DNM2: variants seen among roughly 807,000 people sequenced by gnomAD.
DNM2 encodes the protein dynamin 2, also known as dynamin-2.
A neutral mutation model predicts 99.0 loss-of-function variants in DNM2; 15 were observed. The ratio of observed to expected loss-of-function variants is 0.15; its 90% CI spans 0.10 to 0.23. DNM2 has a LOEUF of 0.23. DNM2 is among the 10% of genes least tolerant of loss of function. The pLI is 1.00. For missense variants in DNM2, 742 were observed against 1,189.4 expected, an observed-to-expected ratio of 0.62 and a Z score of 5.53; for synonymous variants, 525 against 481.2, an observed-to-expected ratio of 1.09 and a Z score of -1.19.
Position 10,825,234 on chromosome 19 carries a change from C to T in DNM2, c.2058+13C>T, listed in dbSNP as rs1392110411. 1 of 1,613,598 alleles carries T rather than the reference C, an allele frequency of 6.2e-7. No individual in the cohort carries two copies. The highest frequency in any genetic ancestry group is 1.1e-5 in the South Asian group (1 of 91,062). On this transcript the variant is annotated intron_variant, in intron 18 of 20. Transcript: ENST00000389253. ...CATGATCAACAATGTGAGTGGAGAA[C>T]TAAAAATGAGAAGGAGGTAGCTGGG...
Position 10,831,394 on chromosome 19 carries a change from A to G in DNM2, c.*347A>G. The G allele has an allele frequency of 2.8e-6, 3 of 1,069,604 alleles. No homozygotes were observed. 66.3% of individuals were successfully genotyped at this position (1,069,604 alleles called of 1,614,324 possible). ...AGGTCTTCTTGGGCTGGGAAAGCCC[A>G]TGTAGGGCAGGCCTTCTATAAGTGC... On this transcript the variant is annotated 3_prime_UTR_variant, in exon 21 of 21. Coordinates refer to ENST00000389253, the MANE Select transcript of DNM2 (RefSeq NM_001005361.3). The surrounding 1 kb of genome is among the most constrained non-coding windows in gnomAD (Gnocchi z 4.3).
intron 12 of DNM2, chr19:10,803,546 C>G (rs891715308): frequency 2.3e-6 from 2 of 870,748 alleles, no homozygotes; most frequent in Non-Finnish European, 2.8e-6. Context: ...CTCTGCTTCT[C>G]ACACTTCATC....
intron 7 of DNM2, among the ~76,000 whole-genome samples, chr19:10,789,569 A>G (rs1026430799): frequency 6.6e-6 from 1 of 152,056 alleles, no homozygotes; most frequent in Non-Finnish European, 1.5e-5. Flanking sequence ...ACGATGGTTC[A>G]CGCCTGTATT....
At chr19:10,760,827 A>ATGTTTTTTTTTTTTTT (rs1663854487) in intron 2 of DNM2, among the ~76,000 whole-genome samples, 2 of 41,260 alleles carry the variant, frequency 4.8e-5, no homozygotes, top group African/African-American at 1.9e-4. Flanking sequence ...CACCCAGCTG[A>ATGTTTTTTTTTTTTTT]TTTTTTTTTT....
chr19:10,737,954 C>G (rs1325189489), intron 1 of DNM2, among the ~76,000 whole-genome samples: 1 of 152,194 alleles, frequency 6.6e-6, no homozygotes, highest in East Asian at 1.9e-4. Context: ...TTGTCAATCA[C>G]TGAGCAAGAC....
At chr19:10,777,541 TTTAA>T (rs1440678299) in intron 5 of DNM2, among the ~76,000 whole-genome samples, 2 of 152,118 alleles carry the variant, frequency 1.3e-5, no homozygotes, top group African/African-American at 2.4e-5. Flanking sequence ...GGTTTATAAC[TTTAA>T]TTAATTTTTT....
intron 6 of DNM2, 74 bp from the exon 7 acceptor site, chr19:10,786,490 G>A: frequency 6.2e-7 from 1 of 1,604,270 alleles, no homozygotes; most frequent in African/African-American, 1.3e-5. Flanking sequence ...GCCCTTGGTT[G>A]GGGGGAGTGT....
At chr19:10,735,582 T>C (rs989889033) in intron 1 of DNM2, among the ~76,000 whole-genome samples, 2 of 152,038 alleles carry the variant, frequency 1.3e-5, no homozygotes, top group Non-Finnish European at 2.9e-5. Context: ...GGTGTGATAT[T>C]GGCTCACTGC....
intron 13 of DNM2, 155 bp from the exon 14 acceptor site, chr19:10,808,414 T>C (rs1004242639): frequency 6.0e-6 from 4 of 665,530 alleles, no homozygotes; most frequent in Admixed American, 3.2e-5. Context: ...TAGCATGTAA[T>C]TTTTTTTCTT....
chr19:10,802,415 AAGG>A, intron 12 of DNM2, 57 bp downstream of exon 12: 1 of 1,581,328 alleles, frequency 6.3e-7, no homozygotes, highest in South Asian at 1.1e-5. Context: ...TCTCAGATCC[AAGG>A]AGGTGACTGA....
At chr19:10,728,226 T>C (rs565676190) in intron 1 of DNM2, among the ~76,000 whole-genome samples, 46 of 152,332 alleles carry the variant, frequency 3.0e-4, no homozygotes, top group African/African-American at 1.1e-3. Context: ...GTGTGCCACA[T>C]GTGCAAGATC....
At chr19:10,777,615 C>T (rs2071197692) in intron 5 of DNM2, among the ~76,000 whole-genome samples, 1 of 151,974 alleles carries the variant, frequency 6.6e-6, no homozygotes, top group Middle Eastern at 3.4e-3. Context: ...TTTTTTGAGA[C>T]GGAGTTTTTG....
intron 1 of DNM2, among the ~76,000 whole-genome samples, chr19:10,737,845 C>T (rs960840689): frequency 5.3e-5 from 8 of 152,302 alleles, no homozygotes; most frequent in East Asian, 3.9e-4. Flanking sequence ...CATGGTAGGG[C>T]GGTGCCCCTG....
Position 10,806,038 on chromosome 19 carries a change from C to A in DNM2, c.1545+71C>A, listed in dbSNP as rs571918002. 1.1e-4 allele frequency: 177 copies of A among 1,596,894 alleles called. 1 individual carries two copies. In the South Asian group the frequency reaches 1.9e-3, roughly 17 times the overall value. On this transcript the variant is annotated intron_variant, in intron 13 of 20. Coordinates refer to ENST00000389253, the MANE Select transcript of DNM2 (RefSeq NM_001005361.3). ...GGACGCTAAGTGACAGCTAAGCCCC[C>A]GTGATGGAGCTCGGCCTGTGTAAAG...
At position 10,760,857 on chromosome 19, in the gene DNM2, G is replaced by T. The variant is rs983482981; in HGVS notation, c.235+1046G>T. 3.6e-4 allele frequency among the ~76,000 whole-genome samples: 4 copies of T among 11,192 alleles called. No homozygotes were observed. In the East Asian group the frequency reaches 0.024, roughly 67 times the overall value. 7.3% of individuals were successfully genotyped at this position (11,192 alleles called of 152,430 possible). A position where few individuals can be genotyped will look rare whatever the true frequency, so the allele number is the denominator to read the frequency against. On this transcript the variant is annotated intron_variant, in intron 2 of 20. Transcript: ENST00000389253. ...TTTTTTTTTTTTTGGTAGAGATGGG[G>T]GTTATGTTACCCAGGCAGGTCTTGA...
intron 5 of DNM2, among the ~76,000 whole-genome samples, chr19:10,781,018 TAAAAA>T (rs5827115): frequency 4.4e-5 from 5 of 114,428 alleles, no homozygotes; most frequent in South Asian, 5.9e-4. Context: ...ACTCTGTCTT[TAAAAA>T]AAAAAAAAAA....
intron 15 of DNM2, 49 bp from the exon 16 acceptor site, chr19:10,819,931 G>C (rs747752955): frequency 6.3e-7 from 1 of 1,587,238 alleles, no homozygotes; most frequent in South Asian, 1.1e-5. Context: ...GGGGCATCCT[G>C]AGTTGTCACG....
intron 1 of DNM2, among the ~76,000 whole-genome samples, chr19:10,738,560 T>C (rs1376894928): frequency 6.7e-6 from 1 of 149,244 alleles, no homozygotes; most frequent in Non-Finnish European, 1.5e-5. Context: ...CCAGCGGTTG[T>C]TACTCTTTAA....
At chr19:10,824,157 C>G (rs907899674) in intron 17 of DNM2, 20 of 504,056 alleles carry the variant, frequency 4.0e-5, no homozygotes, top group Admixed American at 3.2e-4. Flanking sequence ...TTCTCTTTTC[C>G]CCTTCCATCC....
Sources: gnomAD v4.1 joint callset for allele counts (sites outside exome capture counted in the v4.1 genomes callset) on GRCh38, gnomAD v4.1.1 for gene constraint, Gnocchi (gnomAD v3.1) non-coding constraint, MANE v1.5 for transcripts, NCBI Gene and HGNC (gene_info 2026-07-23, HGNC 2026-07-21) for gene names.